The following RNF144A variants were observed in gnomAD, a reference collection of about 807,000 sequenced individuals.
RNF144A encodes ring finger protein 144A.
A neutral mutation model predicts 38.7 loss-of-function variants in RNF144A; 11 were observed. The observed-to-expected ratio is 0.28, with a 90% CI of 0.18 to 0.47. RNF144A has a LOEUF of 0.47. Among genes scored for constraint, RNF144A ranks in the 20% least tolerant of loss-of-function variants. The pLI, the probability that RNF144A is intolerant of heterozygous loss-of-function variation, is 0.99. For missense variants in RNF144A, 316 were observed against 377.2 expected (o/e 0.84, Z 1.34); for synonymous variants, 149 against 143.9 (o/e 1.04, Z -0.25).
intron 2 of RNF144A, among the ~76,000 whole-genome samples, chr2:6,963,703 G>C (rs1443428909): frequency 6.6e-6 from 1 of 152,030 alleles, no homozygotes; most frequent in African/African-American, 2.4e-5. Flanking sequence ...TCTGTCTTTA[G>C]CTAGTTAATT....
intron 1 of RNF144A, among the ~76,000 whole-genome samples, chr2:6,939,843 T>A (rs1328310610): frequency 1.3e-5 from 2 of 152,290 alleles, no homozygotes; most frequent in East Asian, 3.9e-4. Context: ...ATGATACTCT[T>A]GTCAAGAATC....
intron 3 of RNF144A, among the ~76,000 whole-genome samples, chr2:7,004,453 C>T (rs1286045980): frequency 6.6e-6 from 1 of 152,148 alleles, no homozygotes; most frequent in Non-Finnish European, 1.5e-5. Flanking sequence ...TAGAGTCTGG[C>T]CCGACTCTAG....
intron 2 of RNF144A, among the ~76,000 whole-genome samples, chr2:6,966,113 G>T (rs1667652674): frequency 6.6e-6 from 1 of 152,210 alleles, no homozygotes; most frequent in South Asian, 2.1e-4. Context: ...TAAATAGACT[G>T]TGTGAGTATG....
At chr2:7,017,041 C>T (rs183077378) in intron 5 of RNF144A, among the ~76,000 whole-genome samples, 2 of 152,354 alleles carry the variant, frequency 1.3e-5, no homozygotes, top group Non-Finnish European at 2.9e-5. Flanking sequence ...AACTGGCTCA[C>T]TCCAGAGTCT....
At chr2:6,979,247 A>T (rs577450318) in intron 2 of RNF144A, among the ~76,000 whole-genome samples, 12 of 152,274 alleles carry the variant, frequency 7.9e-5, no homozygotes, top group African/African-American at 2.6e-4. Flanking sequence ...GGCTGTAGGG[A>T]TCACGTGGAC....
downstream of RNF144A, among the ~76,000 whole-genome samples, chr2:7,072,801 G>A (rs1310482226): frequency 6.6e-6 from 1 of 152,176 alleles, no homozygotes; most frequent in Non-Finnish European, 1.5e-5. Context: ...TCATTGATCA[G>A]GATTTTGAAG....
chr2:6,920,133 T>C (rs1664441858), intron 1 of RNF144A, among the ~76,000 whole-genome samples: 1 of 152,250 alleles, frequency 6.6e-6, no homozygotes. Context: ...AGCTACAAGC[T>C]ACGTTGCCTG....
chr2:6,949,954 A>AT (rs1215863974), intron 2 of RNF144A, among the ~76,000 whole-genome samples: 2 of 151,980 alleles, frequency 1.3e-5, no homozygotes, highest in Admixed American at 6.5e-5. Context: ...TATTATTATT[A>AT]TTATTTTTTT....
At chr2:7,018,334 G>T (rs896229559) in intron 5 of RNF144A, among the ~76,000 whole-genome samples, 5 of 152,248 alleles carry the variant, frequency 3.3e-5, no homozygotes, top group African/African-American at 1.2e-4. Flanking sequence ...CTCCCGCAGG[G>T]CTGGGCAGAC....
chr2:6,995,191 G>A (rs939003518), intron 2 of RNF144A, among the ~76,000 whole-genome samples: 3 of 152,008 alleles, frequency 2.0e-5, no homozygotes, highest in African/African-American at 7.3e-5. Flanking sequence ...CGTAAAACTT[G>A]AGAAAGGGAT....
At chr2:7,013,246 C>A (rs1670930170) in intron 3 of RNF144A, among the ~76,000 whole-genome samples, 1 of 152,134 alleles carries the variant, frequency 6.6e-6, no homozygotes, top group African/African-American at 2.4e-5. Context: ...TTAAACCACC[C>A]TAAATTGCAG....
chr2:7,005,830 T>C lies in RNF144A; in HGVS notation c.136-8624T>C, dbSNP rs1177278546. ...CCATCTCATGAGAGGACGCTGCAGC[T>C]CAGAGACATGAAGGGGCCTGCCCTG... is the stretch of plus-strand genomic sequence containing the variant. On this transcript the variant is annotated intron_variant, in intron 3 of 8. Transcript: ENST00000320892. Among the ~76,000 whole-genome samples the C allele has an allele frequency of 3.3e-5, 5 of 152,022 alleles. No homozygotes were observed. The East Asian group carries it at 9.7e-4, about 29-fold the overall frequency.
chr2:7,056,578 T>G (rs968100790), intron 6 of RNF144A, among the ~76,000 whole-genome samples: 19 of 152,170 alleles, frequency 1.2e-4, no homozygotes, highest in Non-Finnish European at 2.5e-4. Context: ...CTCTTCTAGG[T>G]CATTCCAGTT....
chr2:6,977,815 C>T (rs1668402558), intron 2 of RNF144A, among the ~76,000 whole-genome samples: 1 of 151,962 alleles, frequency 6.6e-6, no homozygotes. Flanking sequence ...TCTGGAGAGA[C>T]AAAAAGAACA....
At chr2:6,948,573 C>A (rs1314417619) in intron 2 of RNF144A, among the ~76,000 whole-genome samples, 1 of 152,180 alleles carries the variant, frequency 6.6e-6, no homozygotes, top group African/African-American at 2.4e-5. Flanking sequence ...TGAAACAAGC[C>A]CAGGATGCCC....
chr2:6,929,524 A>G (rs1665079604), intron 1 of RNF144A, among the ~76,000 whole-genome samples: 2 of 152,182 alleles, frequency 1.3e-5, no homozygotes, highest in Admixed American at 6.5e-5. Flanking sequence ...AATAAGGGAC[A>G]TTGGGATCCT....
intron 2 of RNF144A, among the ~76,000 whole-genome samples, chr2:6,970,521 C>T (rs1667944797): frequency 6.6e-6 from 1 of 152,194 alleles, no homozygotes; most frequent in African/African-American, 2.4e-5. Flanking sequence ...AATACACGTC[C>T]CATCCCCAAG....
intron 1 of RNF144A, among the ~76,000 whole-genome samples, chr2:6,920,681 C>T (rs558916916): frequency 1.3e-5 from 2 of 152,190 alleles, no homozygotes; most frequent in South Asian, 4.1e-4. Context: ...ACATTGAGAT[C>T]GAAGAATGAA....
chr2:6,953,581 G>T (rs1003125573), intron 2 of RNF144A, among the ~76,000 whole-genome samples: 6 of 151,994 alleles, frequency 3.9e-5, no homozygotes, highest in African/African-American at 1.5e-4. Flanking sequence ...ATTTTCCAAC[G>T]TGTGGGATCT....
Sources: allele counts gnomAD v4.1 joint callset (sites outside exome capture counted in the v4.1 genomes callset), GRCh38; gene constraint gnomAD v4.1.1; transcripts MANE v1.5; gene names NCBI Gene and HGNC (gene_info 2026-07-23, HGNC 2026-07-21).